Variants in GLRA2 observed in about 807,000 individuals in gnomAD.
GLRA2 encodes glycine receptor alpha 2.
Under a neutral mutation model 31.6 loss-of-function variants are expected in GLRA2, and 11 were observed. The observed-to-expected ratio is 0.35, with a 90% CI of 0.22 to 0.58. The LOEUF (loss-of-function observed/expected upper bound fraction) is 0.58. Ranked by LOEUF, GLRA2 falls within the 20% of genes least tolerant of loss-of-function variation. The pLI is 0.84. For synonymous variants in GLRA2, 132 were observed against 134.0 expected, an observed-to-expected ratio of 0.99 and a Z score of 0.10; for missense variants, 212 against 351.8, an observed-to-expected ratio of 0.60 and a Z score of 3.18.
chrX:14,694,717 G>C (rs2091415584), intron 8 of GLRA2, among the ~76,000 whole-genome samples: 1 of 112,473 alleles, frequency 8.9e-6, no homozygotes. Context: ...TATGTGCCAG[G>C]CACTGTGTAA....
intron 2 of GLRA2, among the ~76,000 whole-genome samples, chrX:14,543,020 A>G (rs2089426377): frequency 9.1e-6 from 1 of 109,866 alleles, no homozygotes; most frequent in East Asian, 2.9e-4. Context: ...AGAATAAGAC[A>G]TTTTTGCCCT....
chrX:14,574,714 T>C (rs753882045), intron 3 of GLRA2, among the ~76,000 whole-genome samples: 1 of 112,128 alleles, frequency 8.9e-6, no homozygotes, highest in East Asian at 2.8e-4. Context: ...TTTTGTAAAG[T>C]CATTTGTCAA....
intron 2 of GLRA2, among the ~76,000 whole-genome samples, chrX:14,537,603 A>C (rs2089343304): frequency 9.0e-6 from 1 of 111,114 alleles, no homozygotes; most frequent in African/African-American, 3.3e-5. Flanking sequence ...TATAATGGCT[A>C]AAATTACAGC....
the GLRA2 span, among the ~76,000 whole-genome samples, chrX:14,518,734 G>C: frequency 9.1e-6 from 1 of 109,794 alleles, no homozygotes; most frequent in Non-Finnish European, 1.9e-5. Context: ...CAGGTGGCCA[G>C]GTGCGGTGGC....
intron 7 of GLRA2, among the ~76,000 whole-genome samples, chrX:14,663,080 ACCATCT>A (rs1421503074): frequency 1.8e-5 from 2 of 111,226 alleles, no homozygotes; most frequent in Non-Finnish European, 3.8e-5. Flanking sequence ...CTACCATGTT[ACCATCT>A]CCTTTCTAAT....
intron 7 of GLRA2, among the ~76,000 whole-genome samples, chrX:14,690,138 T>C (rs2091328612): frequency 1.8e-5 from 2 of 111,908 alleles, no homozygotes; most frequent in Non-Finnish European, 3.8e-5. Flanking sequence ...AGGCCATATA[T>C]AGTTTATTTC....
intron 2 of GLRA2, among the ~76,000 whole-genome samples, chrX:14,536,462 G>A (rs776770792): frequency 1.8e-5 from 2 of 112,095 alleles, no homozygotes; most frequent in Non-Finnish European, 3.8e-5. Flanking sequence ...TATGGAACCT[G>A]AGAAAGAAGA....
chrX:14,590,522 T>C (rs2090134964), intron 4 of GLRA2, among the ~76,000 whole-genome samples: 1 of 112,147 alleles, frequency 8.9e-6, no homozygotes. Flanking sequence ...GGACATTCTC[T>C]ATTTAGATGT....
intron 8 of GLRA2, among the ~76,000 whole-genome samples, chrX:14,727,958 G>T (rs935547146): frequency 2.7e-5 from 3 of 112,152 alleles, no homozygotes; most frequent in Non-Finnish European, 5.6e-5. Flanking sequence ...ACAATTAATG[G>T]TTGAATTAAA....
the GLRA2 span, among the ~76,000 whole-genome samples, chrX:14,488,115 T>C: frequency 8.9e-6 from 1 of 111,804 alleles, no homozygotes; most frequent in South Asian, 3.8e-4. Flanking sequence ...GTCTAAGCCA[T>C]GGATTCCTGT....
intron 8 of GLRA2, among the ~76,000 whole-genome samples, chrX:14,702,109 C>T (rs1028476674): frequency 3.6e-5 from 4 of 111,658 alleles, no homozygotes; most frequent in Non-Finnish European, 5.6e-5. Context: ...GCTGAGGAAA[C>T]GGTTATGCAG....
At chrX:14,655,580 A>G (rs1417308948) in intron 7 of GLRA2, among the ~76,000 whole-genome samples, 1 of 111,035 alleles carries the variant, frequency 9.0e-6, no homozygotes, top group East Asian at 2.8e-4. Flanking sequence ...TCCCCATCTG[A>G]CTCTTTGATG....
intron 7 of GLRA2, among the ~76,000 whole-genome samples, chrX:14,631,234 T>C (rs1439750497): frequency 8.9e-6 from 1 of 111,754 alleles, no homozygotes; most frequent in Non-Finnish European, 1.9e-5. Context: ...TACTCATCTC[T>C]AGAAATTTGA....
At chrX:14,451,277 CA>C in the GLRA2 span, among the ~76,000 whole-genome samples, 8 of 110,877 alleles carry the variant, frequency 7.2e-5, no homozygotes, top group Non-Finnish European at 1.5e-4. Context: ...ATGATAGGAT[CA>C]AAACTTCACA....
At chrX:14,671,363 A>G (rs1039921401) in intron 7 of GLRA2, among the ~76,000 whole-genome samples, 3 of 112,115 alleles carry the variant, frequency 2.7e-5, no homozygotes, top group Non-Finnish European at 5.6e-5. Flanking sequence ...ATTTGGATGC[A>G]GTTTATTTGA....
chrX:14,461,673 C>A, the GLRA2 span, among the ~76,000 whole-genome samples: 2 of 111,543 alleles, frequency 1.8e-5, no homozygotes, highest in Non-Finnish European at 3.8e-5. Context: ...ATTGCAACCT[C>A]TGCTTTTTTG....
intron 7 of GLRA2, among the ~76,000 whole-genome samples, chrX:14,646,309 A>C (rs5980055): frequency 0.03 from 3,352 of 111,768 alleles, 127 homozygotes; most frequent in African/African-American, 0.1. Context: ...AGGTTCCTTT[A>C]ATTGGCACAA....
chrX:14,588,709 T>C (rs1371012702), intron 4 of GLRA2, among the ~76,000 whole-genome samples: 1 of 112,152 alleles, frequency 8.9e-6, no homozygotes, highest in East Asian at 2.8e-4. Context: ...TTCAAATGTA[T>C]GAGCATGGGT....
At chrX:14,554,672 T>C (rs1334344060) in intron 2 of GLRA2, among the ~76,000 whole-genome samples, 1 of 111,762 alleles carries the variant, frequency 8.9e-6, no homozygotes, top group Non-Finnish European at 1.9e-5. Flanking sequence ...ATGTTAAAGA[T>C]TTTATTTAAC....
Sources: gnomAD v4.1 joint callset for allele counts (sites outside exome capture counted in the v4.1 genomes callset) on GRCh38, gnomAD v4.1.1 for gene constraint, MANE v1.5 for transcripts, NCBI Gene and HGNC (gene_info 2026-07-23, HGNC 2026-07-21) for gene names.